Variants in NKAIN2 observed in about 807,000 individuals in gnomAD.
The protein encoded by NKAIN2 is sodium/potassium transporting ATPase interacting 2, also known as sodium/potassium-transporting ATPase subunit beta-1-interacting protein 2.
Under a neutral mutation model 32.6 loss-of-function variants are expected in NKAIN2, and 14 were observed. The ratio of observed to expected loss-of-function variants is 0.43; its 90% CI spans 0.28 to 0.67. NKAIN2 has a LOEUF of 0.67. Ranked by LOEUF, NKAIN2 falls within the 30% of genes least tolerant of loss-of-function variation. The probability of loss-of-function intolerance (pLI) is 0.17; values close to 1 mark genes in which losing one functional copy is unlikely to be tolerated. For synonymous variants in NKAIN2, 80 were observed against 87.2 expected (o/e 0.92, Z 0.46); for missense variants, 198 against 258.3 (o/e 0.77, Z 1.60).
At chr6:123,902,027 A>G (rs1774613804) in intron 1 of NKAIN2, among the ~76,000 whole-genome samples, 2 of 152,214 alleles carry the variant, frequency 1.3e-5, no homozygotes, top group Non-Finnish European at 2.9e-5. Context: ...AAAATAATGC[A>G]GAATAATCTG....
chr6:124,689,607 A>G (rs1203940326), intron 4 of NKAIN2, among the ~76,000 whole-genome samples: 2 of 151,918 alleles, frequency 1.3e-5, no homozygotes, highest in South Asian at 4.1e-4. Flanking sequence ...TTACATTTAA[A>G]TCTTGATTTA....
chr6:124,302,882 A>G (rs1796347293), intron 2 of NKAIN2, among the ~76,000 whole-genome samples: 1 of 152,228 alleles, frequency 6.6e-6, no homozygotes, highest in Non-Finnish European at 1.5e-5. Context: ...AATCTAAGAA[A>G]GGTATCAAAA....
At chr6:124,018,701 T>C (rs1780714486) in intron 1 of NKAIN2, among the ~76,000 whole-genome samples, 1 of 152,184 alleles carries the variant, frequency 6.6e-6, no homozygotes, top group Non-Finnish European at 1.5e-5. Context: ...ATTGTCCATA[T>C]GACTATCAGC....
chr6:123,825,508 A>G (rs1472253971), intron 1 of NKAIN2, among the ~76,000 whole-genome samples: 3 of 152,096 alleles, frequency 2.0e-5, no homozygotes, highest in African/African-American at 4.8e-5. Context: ...AAAGGATGCT[A>G]CCTCACCCAG....
At chr6:124,190,613 G>A (rs6908839) in intron 1 of NKAIN2, among the ~76,000 whole-genome samples, 18,471 of 152,078 alleles carry the variant, frequency 0.12, 2,633 homozygotes, top group African/African-American at 0.34. Context: ...TGTTTTGTTG[G>A]AGTTGCAAAT....
At chr6:123,810,633 G>GA (rs1773420541) in intron 1 of NKAIN2, among the ~76,000 whole-genome samples, 2 of 150,938 alleles carry the variant, frequency 1.3e-5, no homozygotes, top group South Asian at 4.2e-4. Context: ...TATATGGAAA[G>GA]AAAAAATATA....
chr6:124,394,653 GA>G (rs58812785), intron 3 of NKAIN2, among the ~76,000 whole-genome samples: 5,756 of 118,482 alleles, frequency 0.049, 321 homozygotes, highest in African/African-American at 0.16. Flanking sequence ...CCAAATGGCA[GA>G]AAAAAAAAAA....
At chr6:124,244,521 G>A (rs117824090) in intron 1 of NKAIN2, among the ~76,000 whole-genome samples, 1,791 of 151,858 alleles carry the variant, frequency 0.012, 27 homozygotes, top group Admixed American at 0.025. Context: ...TAAGTCAGCC[G>A]ACCAATCTAC....
intron 3 of NKAIN2, among the ~76,000 whole-genome samples, chr6:124,488,663 T>C (rs942872270): frequency 1.3e-5 from 2 of 152,034 alleles, no homozygotes; most frequent in African/African-American, 4.8e-5. Flanking sequence ...TCCAATCTCA[T>C]GTTGAGATGA....
chr6:124,734,627 C>T (rs1776852232), intron 4 of NKAIN2, among the ~76,000 whole-genome samples: 2 of 151,820 alleles, frequency 1.3e-5, no homozygotes, highest in South Asian at 4.1e-4. Flanking sequence ...CCTTAACTGA[C>T]AGACACTCCA....
intron 3 of NKAIN2, among the ~76,000 whole-genome samples, chr6:124,595,946 G>T (rs1782070908): frequency 6.6e-6 from 1 of 152,142 alleles, no homozygotes; most frequent in East Asian, 1.9e-4. Flanking sequence ...ACGGGTAGGG[G>T]ATGGGAGTCT....
chr6:124,687,202 G>A (rs1043229591), intron 4 of NKAIN2, among the ~76,000 whole-genome samples: 30 of 143,982 alleles, frequency 2.1e-4, no homozygotes, highest in African/African-American at 5.1e-4. Flanking sequence ...CATATGGAAT[G>A]TATATATGTG....
At chr6:123,991,176 G>C (rs1779394467) in intron 1 of NKAIN2, among the ~76,000 whole-genome samples, 1 of 152,120 alleles carries the variant, frequency 6.6e-6, no homozygotes, top group Admixed American at 6.5e-5. Flanking sequence ...ATTTTTATCT[G>C]AGGAATGTTA....
intron 3 of NKAIN2, among the ~76,000 whole-genome samples, chr6:124,399,983 T>C (rs1273918485): frequency 6.6e-6 from 1 of 152,194 alleles, no homozygotes; most frequent in Non-Finnish European, 1.5e-5. Context: ...AGAAGAATGC[T>C]TCCTCCTATT....
chr6:123,968,124 G>A (rs1778177391), intron 1 of NKAIN2, among the ~76,000 whole-genome samples: 1 of 152,130 alleles, frequency 6.6e-6, no homozygotes, highest in Non-Finnish European at 1.5e-5. Flanking sequence ...ACACCTGTTG[G>A]AATTCTCGCC....
At chr6:124,256,959 A>G (rs749318004) in intron 1 of NKAIN2, among the ~76,000 whole-genome samples, 6 of 144,262 alleles carry the variant, frequency 4.2e-5, no homozygotes, top group Non-Finnish European at 7.4e-5. Flanking sequence ...CAAAAGCTAT[A>G]ACTTCTTTTG....
chr6:124,150,966 GT>G (rs1393350721), intron 1 of NKAIN2, among the ~76,000 whole-genome samples: 1 of 152,028 alleles, frequency 6.6e-6, no homozygotes, highest in East Asian at 1.9e-4. Flanking sequence ...TTGTTTTTCT[GT>G]AAAATCCTTA....
intron 1 of NKAIN2, among the ~76,000 whole-genome samples, chr6:123,895,296 A>G (rs1774229454): frequency 1.3e-5 from 2 of 151,984 alleles, no homozygotes; most frequent in Non-Finnish European, 2.9e-5. Context: ...CTTTGCCCAT[A>G]GATTTCATTG....
At chr6:124,070,057 G>A (rs1349750576) in intron 1 of NKAIN2, among the ~76,000 whole-genome samples, 1 of 152,132 alleles carries the variant, frequency 6.6e-6, no homozygotes, top group Non-Finnish European at 1.5e-5. Context: ...TACATACATT[G>A]TACCTTCGGC....
Sources: allele counts gnomAD v4.1 joint callset (sites outside exome capture counted in the v4.1 genomes callset), GRCh38; gene constraint gnomAD v4.1.1; transcripts MANE v1.5; gene names NCBI Gene and HGNC (gene_info 2026-07-23, HGNC 2026-07-21).